Variants in PIK3C3 observed in about 807,000 individuals in gnomAD.
PIK3C3 encodes the protein phosphatidylinositol 3-kinase catalytic subunit type 3.
Under a neutral mutation model 126.1 loss-of-function variants are expected in PIK3C3, and 95 were observed. That is an observed-to-expected ratio of 0.75 (90% CI 0.64 to 0.89). The LOEUF (loss-of-function observed/expected upper bound fraction) is 0.89. Ranked by LOEUF, PIK3C3 falls within the 40% of genes least tolerant of loss-of-function variation. The pLI is 0.00. For synonymous variants in PIK3C3, 374 were observed against 360.0 expected, an observed-to-expected ratio of 1.04 and a Z score of -0.44; for missense variants, 829 against 1,063.2, an observed-to-expected ratio of 0.78 and a Z score of 3.06.
intron 5 of PIK3C3, 104 bp from the exon 6 acceptor site, chr18:41,990,355 T>G (rs1981714484): frequency 2.9e-6 from 2 of 687,592 alleles, no homozygotes; most frequent in Admixed American, 5.0e-5. Flanking sequence ...TGACTTGTAT[T>G]TGATAGATAC....
chr18:42,004,292 C>T (rs1982432084), intron 9 of PIK3C3, 64 bp from the exon 10 acceptor site: 1 of 1,273,464 alleles, frequency 7.9e-7, no homozygotes, highest in Non-Finnish European at 1.1e-6. Flanking sequence ...GGAACTCTGC[C>T]TAGTCAACTT....
intron 4 of PIK3C3, 112 bp from the exon 5 acceptor site, chr18:41,987,700 A>G (rs903751210): frequency 3.2e-5 from 20 of 624,290 alleles, no homozygotes; most frequent in African/African-American, 2.3e-4. Flanking sequence ...TATGGTTTCT[A>G]TTGTGTATAG....
rs1567993029 is a variant in PIK3C3 at position 42,033,862 on chromosome 18, A to G, written c.1744A>G (p.Lys582Glu). 6.2e-6 allele frequency: 10 copies of G among 1,605,492 alleles called. No homozygotes were observed. Among genetic ancestry groups the G allele is most frequent in the Non-Finnish European group, 8.5e-6 (10 of 1,175,010 alleles). ...RLQALLGDNE[K>E]MNLSDVELIP... is the part of the protein sequence containing the mutation. ...ACAGGCATTGCTTGGAGATAATGAAAAGATGAATTTGTCAGATGTGGAACT... is the reference window on the plus strand; with the variant it reads ...ACAGGCATTGCTTGGAGATAATGAAGAGATGAATTTGTCAGATGTGGAACT... The change falls in exon 16 of 25, where the codon AAG becomes GAG. Residue 582 changes from lysine to glutamate, a missense_variant. Lys to Glu is a moderately conservative substitution (Grantham distance 56). Around this residue, in one of 4 missense-constraint regions of PIK3C3, gnomAD observed 256 missense variants for 291.0 expected, o/e 0.88. Coordinates refer to ENST00000262039, the MANE Select transcript of PIK3C3 (RefSeq NM_002647.4).
At chr18:41,980,817 A>C (rs1398025413) in intron 4 of PIK3C3, among the ~76,000 whole-genome samples, 1 of 152,210 alleles carries the variant, frequency 6.6e-6, no homozygotes, top group Non-Finnish European at 1.5e-5. Context: ...GTTTTAGAGG[A>C]AGAAAAACGG....
chr18:42,051,832 A>C (rs1025024512), intron 21 of PIK3C3, among the ~76,000 whole-genome samples: 1 of 152,148 alleles, frequency 6.6e-6, no homozygotes, highest in Non-Finnish European at 1.5e-5. Context: ...GATTGTAATC[A>C]TTTACAACTA....
intron 24 of PIK3C3, among the ~76,000 whole-genome samples, chr18:42,069,533 C>T (rs1459738137): frequency 6.6e-6 from 1 of 152,214 alleles, no homozygotes; most frequent in Non-Finnish European, 1.5e-5. Flanking sequence ...GGCCACGGCC[C>T]ATCTCTGTGT....
chr18:42,056,350 C>A (rs1016008370), intron 21 of PIK3C3, among the ~76,000 whole-genome samples: 7 of 152,034 alleles, frequency 4.6e-5, no homozygotes, highest in Non-Finnish European at 7.4e-5. Flanking sequence ...ATATACTCTT[C>A]GTTTGTAAAC....
At chr18:41,957,537 A>G (rs1979844370) in intron 1 of PIK3C3, 33 bp from the exon 2 acceptor site, 2 of 1,592,846 alleles carry the variant, frequency 1.3e-6, no homozygotes, top group Non-Finnish European at 1.7e-6. Context: ...TAAAAAATTC[A>G]TGTCTGAAAC....
In PIK3C3 at chr18:42,059,256, G is replaced by A. The variant is rs577281433; in HGVS notation, c.2432+1205G>A. Reference sequence around the variant, plus strand: ...ACCTGTAACAGGCATTTTACAAATGGCCATGATATTTATCCTTTGGGTGGC... The same window carrying A: ...ACCTGTAACAGGCATTTTACAAATGACCATGATATTTATCCTTTGGGTGGC... On this transcript the variant is annotated intron_variant, in intron 22 of 24. Transcript: ENST00000262039. 1.1e-4 allele frequency among the ~76,000 whole-genome samples: 16 copies of A among 152,234 alleles called. No individual in the cohort carries two copies. The East Asian group carries it at 2.1e-3, about 20-fold the overall frequency.
At chr18:41,997,843 C>T (rs542028852) in intron 9 of PIK3C3, among the ~76,000 whole-genome samples, 5 of 152,040 alleles carry the variant, frequency 3.3e-5, no homozygotes, top group South Asian at 2.1e-4. Context: ...TCAGTGAAGA[C>T]GTAGAAAAGA....
chr18:41,985,383 T>C (rs997427016), intron 4 of PIK3C3, among the ~76,000 whole-genome samples: 11 of 152,118 alleles, frequency 7.2e-5, no homozygotes, highest in Non-Finnish European at 1.3e-4. Flanking sequence ...TAAAATTAGC[T>C]CAAAGAAATA....
intron 21 of PIK3C3, among the ~76,000 whole-genome samples, chr18:42,055,306 A>G (rs1303461741): frequency 6.6e-6 from 1 of 151,156 alleles, no homozygotes; most frequent in African/African-American, 2.5e-5. Flanking sequence ...ACTGAAAACT[A>G]TTATTGAAAA....
intron 13 of PIK3C3, 121 bp from the exon 14 acceptor site, chr18:42,027,322 A>T: frequency 2.2e-6 from 1 of 454,846 alleles, no homozygotes. Context: ...GTGTTTTATT[A>T]CTCCAATTTT....
intron 7 of PIK3C3, among the ~76,000 whole-genome samples, chr18:41,994,453 G>C (rs1568126895): frequency 6.6e-6 from 1 of 152,070 alleles, no homozygotes; most frequent in Admixed American, 6.6e-5. Flanking sequence ...GTAAACTTTG[G>C]GTGGGACTGA....
chr18:41,965,055 T>C (rs538334463), intron 3 of PIK3C3, among the ~76,000 whole-genome samples: 115 of 152,358 alleles, frequency 7.5e-4, no homozygotes, highest in Admixed American at 1.3e-3. Context: ...GACATATTGC[T>C]AAATCAGTAT....
chr18:42,069,317 A>G (rs1361562908), intron 24 of PIK3C3, among the ~76,000 whole-genome samples: 6 of 152,224 alleles, frequency 3.9e-5, no homozygotes, highest in East Asian at 1.9e-4. Flanking sequence ...ACCTTGCTCT[A>G]CATATAGCAG....
At chr18:41,963,758 A>G (rs1980215905) in intron 3 of PIK3C3, among the ~76,000 whole-genome samples, 1 of 151,494 alleles carries the variant, frequency 6.6e-6, no homozygotes, top group Non-Finnish European at 1.5e-5. Flanking sequence ...GTTTCCATGA[A>G]CTGCTTTTTG....
chr18:42,011,818 T>C (rs1322673188), intron 10 of PIK3C3, among the ~76,000 whole-genome samples: 2 of 152,162 alleles, frequency 1.3e-5, no homozygotes, highest in South Asian at 2.1e-4. Context: ...TGAACACTTA[T>C]TGTGCACTGT....
In PIK3C3 at chr18:42,049,622, A is replaced by G. The variant is rs558458708; in HGVS notation, c.2263+17A>G. 15 of 1,553,170 alleles carry G rather than the reference A, an allele frequency of 9.7e-6. No homozygotes were observed. In the African/African-American group the frequency reaches 1.5e-4, roughly 15 times the overall value. ...CAAAAACAGGTAACAATTAATGACT[A>G]CCAGTAGACATACATTGTATATGCC... On this transcript the variant is annotated intron_variant, in intron 21 of 24. Transcript: ENST00000262039.
Sources: allele counts gnomAD v4.1 joint callset (sites outside exome capture counted in the v4.1 genomes callset), GRCh38; gene constraint gnomAD v4.1.1; regional missense constraint gnomAD v4.1.1; transcripts MANE v1.5; gene names NCBI Gene and HGNC (gene_info 2026-07-23, HGNC 2026-07-21).